RAPGEF1: variants seen among roughly 807,000 people sequenced by gnomAD.
RAPGEF1 encodes CRK SH3-binding GNRP.
Under a neutral mutation model 143.3 loss-of-function variants are expected in RAPGEF1, and 33 were observed. That is an observed-to-expected ratio of 0.23 (90% CI 0.17 to 0.31). The LOEUF is 0.31. Among genes scored for constraint, RAPGEF1 ranks in the 10% least tolerant of loss-of-function variants. The pLI, the probability that RAPGEF1 is intolerant of heterozygous loss-of-function variation, is 1.00. For synonymous variants in RAPGEF1, 629 were observed against 676.5 expected (o/e 0.93, Z 1.09); for missense variants, 1,199 against 1,645.4 (o/e 0.73, Z 4.69).
chr9:131,600,109 C>T (rs1174387686), intron 15 of RAPGEF1, among the ~76,000 whole-genome samples: 1 of 151,484 alleles, frequency 6.6e-6, no homozygotes, highest in East Asian at 1.9e-4. Flanking sequence ...GAGTGAGACT[C>T]TGTCTCAAGG....
At chr9:131,680,164 T>C (rs559747270) in intron 1 of RAPGEF1, among the ~76,000 whole-genome samples, 1 of 152,396 alleles carries the variant, frequency 6.6e-6, no homozygotes, top group Admixed American at 6.5e-5. Flanking sequence ...TCAGTTCCAA[T>C]GTGAATCCAG....
intron 1 of RAPGEF1, among the ~76,000 whole-genome samples, chr9:131,682,220 C>T (rs1023528040): frequency 7.2e-5 from 11 of 152,200 alleles, no homozygotes; most frequent in African/African-American, 2.7e-4. Context: ...AAGAAAACTG[C>T]TGAGCCTGAA....
chr9:131,609,396 T>C (rs1957653760), intron 12 of RAPGEF1, among the ~76,000 whole-genome samples: 1 of 152,212 alleles, frequency 6.6e-6, no homozygotes, highest in African/African-American at 2.4e-5. Flanking sequence ...GTTCGTGTTT[T>C]CTGAAATACT....
rs1968058964 is a variant in RAPGEF1 at position 131,641,747 on chromosome 9, G to A, written c.494+1492C>T. Among the ~76,000 whole-genome samples, 1 of 152,216 alleles carries A rather than the reference G, an allele frequency of 6.6e-6. No individual in the cohort carries two copies. The highest frequency in any genetic ancestry group is 2.4e-5 in the African/African-American group (1 of 41,458). ...CACTTCTAAGAGCCGGAGCTGGACT[G>A]ACTCTGGGAAAGACAGTGAAGACAA... On this transcript the variant is annotated intron_variant, in intron 4 of 26. Coordinates refer to ENST00000683357, the MANE Select transcript of RAPGEF1 (RefSeq NM_001377935.1). The surrounding 1 kb of genome is among the most constrained non-coding windows in gnomAD (Gnocchi z 4.6).
intron 5 of RAPGEF1, among the ~76,000 whole-genome samples, chr9:131,634,128 C>T (rs887092183): frequency 2.6e-5 from 4 of 152,062 alleles, no homozygotes; most frequent in African/African-American, 7.2e-5. Flanking sequence ...TGGCATGCAC[C>T]TGTGGTCCCA....
In RAPGEF1 at chr9:131,717,385, T is replaced by G. The variant is rs974609524; in HGVS notation, c.61+22385A>C. ...TACTCACTATCCACTGAACAAAAAT[T>G]AGTGAGCGTCAGCTATGTGCCAGGC... On this transcript the variant is annotated intron_variant, in intron 1 of 26. Transcript: ENST00000683357. Among the ~76,000 whole-genome samples the G allele has an allele frequency of 2.0e-4, 30 of 152,126 alleles. 1 individual carries two copies. The highest frequency in any genetic ancestry group is 6.7e-4 in the African/African-American group (28 of 41,496).
At chr9:131,701,548 A>G (rs111289370) in intron 1 of RAPGEF1, among the ~76,000 whole-genome samples, 2 of 152,336 alleles carry the variant, frequency 1.3e-5, no homozygotes, top group African/African-American at 4.8e-5. Context: ...ACTGTATCCC[A>G]ATATGTTATT....
chr9:131,635,795 C>T (rs1483360507), intron 5 of RAPGEF1, among the ~76,000 whole-genome samples: 2 of 152,178 alleles, frequency 1.3e-5, no homozygotes, highest in African/African-American at 2.4e-5. Context: ...ACTACTGCTC[C>T]ACCTGAGCCT....
At chr9:131,623,305 A>C (rs1247674457) in intron 10 of RAPGEF1, among the ~76,000 whole-genome samples, 1 of 152,162 alleles carries the variant, frequency 6.6e-6, no homozygotes, top group Non-Finnish European at 1.5e-5. Flanking sequence ...CTAAAAAGAA[A>C]AAAGAAAAGA....
rs57402366 is a variant in RAPGEF1 at position 131,730,193 on chromosome 9, CAAAAAA to C, written c.61+9571_61+9576del. On this transcript the variant is annotated intron_variant, in intron 1 of 26. Coordinates refer to ENST00000683357, the MANE Select transcript of RAPGEF1 (RefSeq NM_001377935.1). Reference sequence around the variant, plus strand: ...TGGGCAACAGAGCGAGACTCCCTCTCAAAAAAAAAAAAAAAAAAAAAAAGAAACAAA... The same window carrying C: ...TGGGCAACAGAGCGAGACTCCCTCTCAAAAAAAAAAAAAAAAAGAAACAAA... Among the ~76,000 whole-genome samples the C allele has an allele frequency of 1.5e-4, 10 of 66,974 alleles. No homozygotes were observed. In the East Asian group the frequency reaches 1.9e-3, roughly 13 times the overall value. 43.9% of individuals were successfully genotyped at this position (66,974 alleles called of 152,430 possible).
intron 12 of RAPGEF1, among the ~76,000 whole-genome samples, chr9:131,612,431 CAG>C (rs10605956): frequency 0.23 from 35,629 of 152,022 alleles, 4,491 homozygotes; most frequent in Non-Finnish European, 0.29. Context: ...ACAGCTGCAT[CAG>C]AGTGGTTGCT....
intron 12 of RAPGEF1, among the ~76,000 whole-genome samples, chr9:131,607,681 T>C (rs1455121021): frequency 6.6e-6 from 1 of 152,148 alleles, no homozygotes; most frequent in Non-Finnish European, 1.5e-5. Context: ...TCATTCCCAA[T>C]GCCCAGACAC....
In RAPGEF1 at chr9:131,667,447, C is replaced by A. The variant is rs547220628; in HGVS notation, c.62-16498G>T. 2.0e-5 allele frequency among the ~76,000 whole-genome samples: 3 copies of A among 152,220 alleles called. No homozygotes were observed. Among genetic ancestry groups the A allele is most frequent in the African/African-American group, 7.2e-5 (3 of 41,452 alleles). ...GAGGTACTGCCCATTTCCTCCTCCA[C>A]AGTACCTGGTACAGGGACAGAGGTG... On this transcript the variant is annotated intron_variant, in intron 1 of 26. Transcript: ENST00000683357. This position sits in a 1 kb window ranked among gnomAD's most constrained non-coding sequence, Gnocchi z 4.6.
chr9:131,609,948 G>A (rs1204824232), intron 12 of RAPGEF1, among the ~76,000 whole-genome samples: 3 of 152,200 alleles, frequency 2.0e-5, no homozygotes, highest in Non-Finnish European at 2.9e-5. Context: ...CCAGGTTGGA[G>A]TGCAGTGATG....
intron 1 of RAPGEF1, among the ~76,000 whole-genome samples, 178 bp downstream of exon 1, chr9:131,739,592 G>C (rs999301677): frequency 2.0e-5 from 3 of 148,642 alleles, no homozygotes; most frequent in Non-Finnish European, 4.5e-5. Context: ...CCCCGCGCCC[G>C]GCAGGCAATG....
intron 1 of RAPGEF1, among the ~76,000 whole-genome samples, chr9:131,722,665 T>C (rs1836353035): frequency 1.3e-5 from 2 of 152,346 alleles, no homozygotes; most frequent in African/African-American, 2.4e-5. Flanking sequence ...AGGTCCAAGA[T>C]GACTGGGTCC....
At chr9:131,671,995 C>T (rs1446174907) in intron 1 of RAPGEF1, among the ~76,000 whole-genome samples, 1 of 152,184 alleles carries the variant, frequency 6.6e-6, no homozygotes, top group Non-Finnish European at 1.5e-5. Context: ...GACCCTTCTC[C>T]CTGGAGTGTG....
Position 131,582,593 on chromosome 9 carries a change from G to T in RAPGEF1, c.3512+12C>A, listed in dbSNP as rs915239502. The T allele has an allele frequency of 9.3e-6, 14 of 1,500,042 alleles. No homozygotes were observed. Among genetic ancestry groups the T allele is most frequent in the Non-Finnish European group, 1.1e-5 (13 of 1,131,226 alleles). The allele number at this position is 1,500,042 out of a possible 1,614,324, so 92.9% of individuals were successfully genotyped here. On this transcript the variant is annotated intron_variant, in intron 25 of 26. Transcript: ENST00000683357. Reference sequence around the variant, plus strand: ...CAGGCGGGGCTGGGGGCCTGGAGGGGCTGCTACTCACAGGTACGGGATGCA... The same window carrying T: ...CAGGCGGGGCTGGGGGCCTGGAGGGTCTGCTACTCACAGGTACGGGATGCA...
intron 16 of RAPGEF1, among the ~76,000 whole-genome samples, chr9:131,597,226 G>A (rs982919158): frequency 4.6e-5 from 7 of 152,176 alleles, no homozygotes; most frequent in Non-Finnish European, 1.0e-4. Flanking sequence ...TTAGGCTTTG[G>A]TATTTTACCT....
Sources: allele counts gnomAD v4.1 joint callset (sites outside exome capture counted in the v4.1 genomes callset), GRCh38; gene constraint gnomAD v4.1.1; non-coding constraint Gnocchi (gnomAD v3.1); transcripts MANE v1.5; gene names NCBI Gene and HGNC (gene_info 2026-07-23, HGNC 2026-07-21).